Variants in SYCP3 observed in about 807,000 individuals in gnomAD.
SYCP3 encodes the protein synaptonemal complex protein 3.
Under a neutral mutation model 38.5 loss-of-function variants are expected in SYCP3, and 29 were observed. The observed-to-expected ratio is 0.75, with a 90% confidence interval of 0.56 to 1.03. The LOEUF is 1.03. Ranked by LOEUF, SYCP3 falls within the 50% of genes least tolerant of loss-of-function variation. The pLI is 0.00. For missense variants in SYCP3, 242 were observed against 270.7 expected (o/e 0.89, Z 0.74); for synonymous variants, 79 against 80.3 (o/e 0.98, Z 0.08).
Position 101,737,808 on chromosome 12 carries a change from A to G in SYCP3, c.128T>C (p.Ile43Thr). 6.2e-7 allele frequency: 1 copy of G among 1,614,214 alleles called. No homozygotes were observed. The highest frequency in any genetic ancestry group is 1.7e-5 in the Admixed American group (1 of 60,028). Residue 43 changes from isoleucine to threonine, a missense_variant, in exon 2 of 9, where the codon ATT becomes ACT. Ile to Thr is a moderately conservative substitution (Grantham distance 89, BLOSUM62 -1). Coordinates refer to ENST00000392924, the MANE Select transcript of SYCP3 (RefSeq NM_001177949.2). ...KDLSGSEEDV[I>T]EGKTAVIEKR... ...CAACATGAGATGTACTGCACCTTCA[A>G]TAACATCTTCCTCTGATCCACTCAG...
chr12:101,735,420 T>C (rs1053515724), intron 4 of SYCP3, among the ~76,000 whole-genome samples: 1 of 152,140 alleles, frequency 6.6e-6, no homozygotes, highest in African/African-American at 2.4e-5. Flanking sequence ...CCCAGCACTT[T>C]GGGAGTCTGA....
intron 4 of SYCP3, 102 bp downstream of exon 4, chr12:101,736,935 C>T: frequency 9.5e-7 from 1 of 1,047,150 alleles, no homozygotes; most frequent in Non-Finnish European, 1.4e-6. Context: ...GAGAACAAGG[C>T]ATTAAATAAC....
At chr12:101,735,863 A>ATTTTTTT (rs1436443061) in intron 4 of SYCP3, among the ~76,000 whole-genome samples, 1 of 68,256 alleles carries the variant, frequency 1.5e-5, no homozygotes, top group Non-Finnish European at 2.8e-5. Flanking sequence ...ATATATATAT[A>ATTTTTTT]TATATATATT....
chr12:101,731,378 T>C (rs948704828), intron 7 of SYCP3, among the ~76,000 whole-genome samples, 190 bp downstream of exon 7: 1 of 152,146 alleles, frequency 6.6e-6, no homozygotes, highest in Non-Finnish European at 1.5e-5. Flanking sequence ...TCTTGAATAA[T>C]CCCAACAAAA....
At chr12:101,730,360 A>G (rs767889896) in intron 7 of SYCP3, among the ~76,000 whole-genome samples, 3 of 152,210 alleles carry the variant, frequency 2.0e-5, no homozygotes, top group Non-Finnish European at 4.4e-5. Flanking sequence ...TAGTGATAAC[A>G]TTTAGAAGAA....
chr12:101,735,871 A>ATATATATATATATATATATT, intron 4 of SYCP3, among the ~76,000 whole-genome samples: 3 of 74,746 alleles, frequency 4.0e-5, no homozygotes, highest in African/African-American at 1.3e-4. Flanking sequence ...ATATATATAT[A>ATATATATATATATATATATT]TTTTTTTTTT....
At chr12:101,733,283 G>T (rs1259337807) in intron 6 of SYCP3, 7 of 371,754 alleles carry the variant, frequency 1.9e-5, no homozygotes, top group African/African-American at 1.4e-4. Flanking sequence ...TTCCCATCTG[G>T]CTATGCCTGA....
At chr12:101,735,871 A>ATATATATATATATATATATATTTTTTT in intron 4 of SYCP3, among the ~76,000 whole-genome samples, 50 of 74,704 alleles carry the variant, frequency 6.7e-4, no homozygotes, top group African/African-American at 1.8e-3. Flanking sequence ...ATATATATAT[A>ATATATATATATATATATATATTTTTTT]TTTTTTTTTT....
intron 2 of SYCP3, 106 bp downstream of exon 2, chr12:101,737,697 A>T: frequency 6.6e-7 from 1 of 1,503,774 alleles, no homozygotes; most frequent in Non-Finnish European, 9.2e-7. Context: ...GGGGGAGGGA[A>T]GACCATACCT....
chr12:101,735,851 T>A (rs868271760), intron 4 of SYCP3, among the ~76,000 whole-genome samples: 26 of 96,052 alleles, frequency 2.7e-4, no homozygotes, highest in African/African-American at 7.4e-4. Context: ...ATAATCAATT[T>A]TATATATATA....
At position 101,737,825 on chromosome 12, in the gene SYCP3, T is replaced by C; in HGVS notation, c.111A>G (p.Gly37=). The stretch of plus-strand genomic sequence containing the variant: ...CACCTTCAATAACATCTTCCTCTGA[T>C]CCACTCAGATCTTTCTTATCTTCAG... ...FETEDKKDLS[G]SEEDVIEGKT... is the part of the protein sequence containing the mutation. Residue 37 remains glycine (G), a synonymous_variant, in exon 2 of 9, where the codon GGA becomes GGG. Coordinates refer to ENST00000392924, the MANE Select transcript of SYCP3 (RefSeq NM_001177949.2). 6.2e-7 allele frequency: 1 copy of C among 1,614,188 alleles called. No individual in the cohort carries two copies. The highest frequency in any genetic ancestry group is 8.5e-7 in the Non-Finnish European group (1 of 1,180,034).
intron 4 of SYCP3, 70 bp downstream of exon 4, chr12:101,736,967 C>T: frequency 7.1e-7 from 1 of 1,413,038 alleles, no homozygotes; most frequent in African/African-American, 1.4e-5. Context: ...CCATTATTAA[C>T]ATTTGTTATT....
At chr12:101,730,028 T>C (rs1952113730) in intron 7 of SYCP3, among the ~76,000 whole-genome samples, 1 of 152,108 alleles carries the variant, frequency 6.6e-6, no homozygotes, top group Non-Finnish European at 1.5e-5. Context: ...AAGAGGGTCA[T>C]GTCATAGGGG....
intron 4 of SYCP3, among the ~76,000 whole-genome samples, chr12:101,735,871 A>ATATATATATATATATT: frequency 6.7e-5 from 5 of 74,752 alleles, no homozygotes; most frequent in African/African-American, 1.9e-4. Context: ...ATATATATAT[A>ATATATATATATATATT]TTTTTTTTTT....
chr12:101,734,826 G>C (rs1952338173), intron 5 of SYCP3, 101 bp downstream of exon 5: 1 of 829,688 alleles, frequency 1.2e-6, no homozygotes, highest in African/African-American at 1.7e-5. Context: ...GGGATTACTG[G>C]CATGAGCCAC....
rs1490101889 is a variant in SYCP3 at position 101,735,873 on chromosome 12, T to TA, written c.236-830_236-829insT. Among the ~76,000 whole-genome samples, 274 of 59,102 alleles carry TA rather than the reference T, an allele frequency of 4.6e-3. 8 individuals carry two copies. Among genetic ancestry groups the TA allele is most frequent in the Middle Eastern group, 8.1e-3 (1 of 124 alleles). The allele number at this position is 59,102 out of a possible 152,430, so 38.8% of individuals were successfully genotyped here. On this transcript the variant is annotated intron_variant, in intron 4 of 8. Coordinates refer to ENST00000392924, the MANE Select transcript of SYCP3 (RefSeq NM_001177949.2). ...ATTTTATATATATATATATATATAT[T>TA]TTTTTTTTTTTAAAGACACGGGGGT...
chr12:101,736,693 T>C (rs2137072999), intron 4 of SYCP3, among the ~76,000 whole-genome samples: 1 of 129,262 alleles, frequency 7.7e-6, no homozygotes, highest in South Asian at 2.4e-4. Flanking sequence ...TATACAAATA[T>C]ATGTATGTAT....
chr12:101,737,100 T>C (rs746785903), intron 3 of SYCP3, 29 bp from the exon 4 acceptor site: 10 of 1,613,488 alleles, frequency 6.2e-6, no homozygotes, highest in Admixed American at 3.3e-5. Context: ...TTAAACACTT[T>C]AGAAGATCCA....
chr12:101,738,298 C>T (rs1185335391), intron 1 of SYCP3, among the ~76,000 whole-genome samples: 1 of 146,922 alleles, frequency 6.8e-6, no homozygotes, highest in Non-Finnish European at 1.5e-5. Context: ...CGTGGTGGCA[C>T]GTGCCTGTAG....
Sources: gnomAD v4.1 joint callset for allele counts (sites outside exome capture counted in the v4.1 genomes callset) on GRCh38, gnomAD v4.1.1 for gene constraint, MANE v1.5 for transcripts, NCBI Gene and HGNC (gene_info 2026-07-23, HGNC 2026-07-21) for gene names.